Variants in PDZD2 observed in about 807,000 individuals in gnomAD.
The protein encoded by PDZD2 is PDZ domain containing 2.
In PDZD2, 90 loss-of-function variants were observed where a neutral mutation model predicts 220.7. The ratio of observed to expected loss-of-function variants is 0.41; its 90% CI spans 0.34 to 0.49. PDZD2 has a LOEUF of 0.49. Among genes scored for constraint, PDZD2 ranks in the 20% least tolerant of loss-of-function variants. PDZD2 has a pLI of 0.28. For missense variants in PDZD2, 3,174 were observed against 3,608.5 expected (o/e 0.88, Z 3.08); for synonymous variants, 1,375 against 1,450.5 (o/e 0.95, Z 1.18).
intron 2 of PDZD2, among the ~76,000 whole-genome samples, chr5:31,835,596 A>G (rs564829670): frequency 6.7e-6 from 1 of 149,678 alleles, no homozygotes; most frequent in East Asian, 1.9e-4. Context: ...CAGCCTGGGC[A>G]ACAATAGTGA....
rs1266026167 is a variant in PDZD2, at chr5:31,908,626, A to G, written c.477-74529A>G. ...CACCAGAGAAGCCTACAAGAAATAC[A>G]TCAAAGGTTACGTGATATCAAAGAC... On this transcript the variant is annotated intron_variant, in intron 2 of 24. Coordinates refer to ENST00000438447, the MANE Select transcript of PDZD2 (RefSeq NM_178140.4). The G allele has an allele frequency of 4.8e-6, 5 of 1,031,304 alleles. No individual in the cohort carries two copies. In the Admixed American group the frequency reaches 5.6e-5, roughly 12 times the overall value. 63.9% of individuals were successfully genotyped at this position (1,031,304 alleles called of 1,614,324 possible).
In PDZD2 at chr5:31,931,813, G is replaced by A. The variant is rs191826244; in HGVS notation, c.477-51342G>A. On this transcript the variant is annotated intron_variant, in intron 2 of 24. Transcript: ENST00000438447. ...AATGAAGGCCCCAGAGCATGATGGT[G>A]TCAGTGTATGCTGCCGGCGTTGTGT... is the stretch of plus-strand genomic sequence containing the variant. 5.3e-5 allele frequency among the ~76,000 whole-genome samples: 8 copies of A among 152,210 alleles called. No homozygotes were observed. In the East Asian group the frequency reaches 1.2e-3, roughly 22 times the overall value.
intron 1 of PDZD2, among the ~76,000 whole-genome samples, chr5:31,666,870 G>T (rs763762793): frequency 6.6e-6 from 1 of 152,116 alleles, no homozygotes; most frequent in Non-Finnish European, 1.5e-5. Context: ...CCTGTGGGTG[G>T]TCCTCAGTGT....
chr5:31,653,446 A>G (rs1174023092), intron 1 of PDZD2, among the ~76,000 whole-genome samples: 1 of 152,124 alleles, frequency 6.6e-6, no homozygotes, highest in African/African-American at 2.4e-5. Context: ...TCCTACTTAT[A>G]AGGAATCCAT....
At chr5:31,649,937 CAAAAAAAAAA>C (rs6148975) in intron 1 of PDZD2, among the ~76,000 whole-genome samples, 7,530 of 73,620 alleles carry the variant, frequency 0.1, 470 homozygotes, top group East Asian at 0.43. Flanking sequence ...GACTCCGTCT[CAAAAAAAAAA>C]AAAAAAAAAA....
intron 1 of PDZD2, among the ~76,000 whole-genome samples, chr5:31,722,400 C>T (rs2150148662): frequency 6.6e-6 from 1 of 152,260 alleles, no homozygotes; most frequent in East Asian, 1.9e-4. Context: ...GGAACCCTCC[C>T]ACCCTCTCCA....
chr5:31,662,425 T>C (rs1191759386), intron 1 of PDZD2, among the ~76,000 whole-genome samples: 1 of 152,222 alleles, frequency 6.6e-6, no homozygotes, highest in African/African-American at 2.4e-5. Context: ...TTAGTCCTTT[T>C]GGGCCACTAT....
chr5:31,689,351 A>AT (rs1288275783), intron 1 of PDZD2, among the ~76,000 whole-genome samples: 1,286 of 27,990 alleles, frequency 0.046, 38 homozygotes, highest in Non-Finnish European at 0.058. Context: ...ATATATATAT[A>AT]TATTTTTTTT....
At chr5:32,076,407 A>G (rs1360635587) in intron 18 of PDZD2, among the ~76,000 whole-genome samples, 2 of 150,130 alleles carry the variant, frequency 1.3e-5, no homozygotes, top group East Asian at 4.0e-4. Context: ...ATTCTAAGTT[A>G]ATACTCTCAG....
At chr5:31,792,294 G>A (rs1031435618) in intron 1 of PDZD2, among the ~76,000 whole-genome samples, 1 of 152,216 alleles carries the variant, frequency 6.6e-6, no homozygotes, top group African/African-American at 2.4e-5. Context: ...CAGGCAGGCA[G>A]CAGGCTGATG....
At chr5:32,057,519 A>C in intron 10 of PDZD2, 136 bp from the exon 11 acceptor site, 1 of 628,678 alleles carries the variant, frequency 1.6e-6, no homozygotes, top group Admixed American at 2.9e-5. Context: ...CCTGGGAGCT[A>C]AGCTAAACAA....
At chr5:31,962,631 G>T (rs1257367514) in intron 2 of PDZD2, among the ~76,000 whole-genome samples, 1 of 152,184 alleles carries the variant, frequency 6.6e-6, no homozygotes, top group African/African-American at 2.4e-5. Flanking sequence ...AACTGGGACT[G>T]CTGCCACCCG....
intron 2 of PDZD2, among the ~76,000 whole-genome samples, chr5:31,886,134 GT>G: frequency 6.6e-6 from 1 of 152,234 alleles, no homozygotes; most frequent in African/African-American, 2.4e-5. Context: ...CCTGACCTTA[GT>G]TGATCCGCCT....
chr5:32,003,039 CACACACT>C, intron 5 of PDZD2, among the ~76,000 whole-genome samples: 1 of 137,812 alleles, frequency 7.3e-6, no homozygotes, highest in Middle Eastern at 4.0e-3. Flanking sequence ...GCATACCATA[CACACACT>C]ACACACACCA....
intron 2 of PDZD2, among the ~76,000 whole-genome samples, chr5:31,866,790 C>T (rs933025936): frequency 5.3e-5 from 8 of 152,180 alleles, no homozygotes; most frequent in Non-Finnish European, 8.8e-5. Flanking sequence ...GTGTCCTTAT[C>T]AGTGTCAGTT....
At chr5:31,833,503 C>CT (rs1756745056) in intron 2 of PDZD2, among the ~76,000 whole-genome samples, 1 of 148,688 alleles carries the variant, frequency 6.7e-6, no homozygotes, top group Non-Finnish European at 1.5e-5. Context: ...AAAGAATGGC[C>CT]TTGATCTCCT....
intron 8 of PDZD2, among the ~76,000 whole-genome samples, chr5:32,050,751 G>A (rs2112298140): frequency 6.6e-6 from 1 of 152,244 alleles, no homozygotes; most frequent in Non-Finnish European, 1.5e-5. Context: ...AGCCCAGGAG[G>A]TCAAGACTGC....
intron 2 of PDZD2, among the ~76,000 whole-genome samples, chr5:31,817,869 C>T (rs1561482835): frequency 6.6e-6 from 1 of 151,504 alleles, no homozygotes; most frequent in Non-Finnish European, 1.5e-5. Context: ...TCACCATGTT[C>T]GTAAGGCTGG....
Position 31,976,724 on chromosome 5 carries a change from T to C in PDZD2, c.477-6431T>C, listed in dbSNP as rs1425048175. Among the ~76,000 whole-genome samples the C allele has an allele frequency of 3.5e-4, 50 of 142,154 alleles. 1 individual carries two copies. The highest frequency in any genetic ancestry group is 1.2e-3 in the African/African-American group (45 of 38,576). The allele number at this position is 142,154 out of a possible 152,430, so 93.3% of individuals were successfully genotyped here. The stretch of plus-strand genomic sequence containing the variant: ...CTTTTTTTCTTCTTTCTTTTTTTTT[T>C]TTTTTTTTTTTGTGACAGAGTCTCC... On this transcript the variant is annotated intron_variant, in intron 2 of 24. Coordinates refer to ENST00000438447, the MANE Select transcript of PDZD2 (RefSeq NM_178140.4).
Sources: allele counts gnomAD v4.1 joint callset (sites outside exome capture counted in the v4.1 genomes callset), GRCh38; gene constraint gnomAD v4.1.1; transcripts MANE v1.5; gene names NCBI Gene and HGNC (gene_info 2026-07-23, HGNC 2026-07-21).